CPEB1: variants seen among roughly 807,000 people sequenced by gnomAD.
CPEB1 encodes the protein cytoplasmic polyadenylation element binding protein 1, also known as cytoplasmic polyadenylation element-binding protein 1.
In CPEB1, 7 loss-of-function variants were observed where a neutral mutation model predicts 65.8. The ratio of observed to expected loss-of-function variants is 0.11; its 90% CI spans 0.06 to 0.20. CPEB1 has a LOEUF of 0.20. Ranked by LOEUF, CPEB1 falls within the 10% of genes least tolerant of loss-of-function variation. The pLI, the probability that CPEB1 is intolerant of heterozygous loss-of-function variation, is 1.00. For synonymous variants in CPEB1, 262 were observed against 260.0 expected, an observed-to-expected ratio of 1.01 and a Z score of -0.08; for missense variants, 551 against 712.2, an observed-to-expected ratio of 0.77 and a Z score of 2.58.
At chr15:82,579,385 C>T (rs1016743981) in intron 3 of CPEB1, among the ~76,000 whole-genome samples, 9 of 152,050 alleles carry the variant, frequency 5.9e-5, no homozygotes, top group African/African-American at 1.9e-4. Context: ...ACCATGATTG[C>T]GCCACTGCAC....
At chr15:82,606,837 T>G (rs1227704536) in intron 3 of CPEB1, among the ~76,000 whole-genome samples, 1 of 123,992 alleles carries the variant, frequency 8.1e-6, no homozygotes, top group African/African-American at 3.2e-5. Context: ...AAAAAAAAAA[T>G]ACATAGTAAA....
At chr15:82,647,984 G>T (rs1431998742), upstream of CPEB1, 1 of 841,764 alleles carries the variant, frequency 1.2e-6, no homozygotes, top group South Asian at 5.9e-5. Context: ...CCCGCACCCC[G>T]GCAGCTTATG....
intron 3 of CPEB1, among the ~76,000 whole-genome samples, chr15:82,619,665 G>A (rs139221576): frequency 1.8e-4 from 27 of 152,078 alleles, no homozygotes; most frequent in Non-Finnish European, 3.1e-4. Flanking sequence ...ATATCCAAAG[G>A]CCAGTAAACA....
chr15:82,582,988 G>A (rs540477358), intron 3 of CPEB1, among the ~76,000 whole-genome samples: 5 of 151,978 alleles, frequency 3.3e-5, no homozygotes, highest in African/African-American at 7.2e-5. Flanking sequence ...TGATCCGCCC[G>A]CCTCAGCCTC....
intron 3 of CPEB1, among the ~76,000 whole-genome samples, chr15:82,594,337 T>G (rs2042506110): frequency 6.6e-6 from 1 of 150,400 alleles, no homozygotes; most frequent in Non-Finnish European, 1.5e-5. Flanking sequence ...GGAGACAGCT[T>G]CTTCCCTTAA....
chr15:82,545,555 C>A (rs1264570996), intron 12 of CPEB1, among the ~76,000 whole-genome samples: 1 of 152,082 alleles, frequency 6.6e-6, no homozygotes, highest in Non-Finnish European at 1.5e-5. Flanking sequence ...TCTCAGGGTC[C>A]GCCCCAAACC....
chr15:82,620,572 G>A (rs2045216329), intron 3 of CPEB1, among the ~76,000 whole-genome samples: 1 of 152,058 alleles, frequency 6.6e-6, no homozygotes, highest in African/African-American at 2.4e-5. Context: ...CCAAGGCAAG[G>A]AATTTGCTTA....
chr15:82,634,969 T>C (rs1180491466), intron 1 of CPEB1, among the ~76,000 whole-genome samples: 1 of 152,208 alleles, frequency 6.6e-6, no homozygotes, highest in Non-Finnish European at 1.5e-5. Context: ...TTCTGGTGCC[T>C]ATGCCTCCTG....
At chr15:82,635,476 C>G (rs955974006) in intron 1 of CPEB1, among the ~76,000 whole-genome samples, 2 of 152,140 alleles carry the variant, frequency 1.3e-5, no homozygotes, top group African/African-American at 4.8e-5. Context: ...CTCCTTGGTC[C>G]TACCTCAAGT....
At chr15:82,626,645 C>T (rs563992099) in intron 3 of CPEB1, among the ~76,000 whole-genome samples, 90 of 152,190 alleles carry the variant, frequency 5.9e-4, no homozygotes, top group African/African-American at 2.0e-3. Context: ...AAACTAAATG[C>T]GTGCTGACTC....
chr15:82,630,613 A>AC (rs935601495), intron 1 of CPEB1, among the ~76,000 whole-genome samples: 2 of 151,710 alleles, frequency 1.3e-5, no homozygotes, highest in Non-Finnish European at 2.9e-5. Context: ...CTCAAAAAAA[A>AC]AAAGAAAGAA....
At chr15:82,544,788 G>A in intron 12 of CPEB1, 86 bp from the exon 13 acceptor site, 2 of 1,011,646 alleles carry the variant, frequency 2.0e-6, no homozygotes, top group Non-Finnish European at 3.1e-6. Flanking sequence ...TGTTCTGTTT[G>A]GAGAAGGGTG....
chr15:82,632,264 G>A (rs2046321971), intron 1 of CPEB1, among the ~76,000 whole-genome samples: 1 of 152,012 alleles, frequency 6.6e-6, no homozygotes, highest in Admixed American at 6.6e-5. Context: ...TTACAGGCGT[G>A]AGCCACTGCG....
At chr15:82,632,056 A>G (rs1437518501) in intron 1 of CPEB1, among the ~76,000 whole-genome samples, 1 of 134,030 alleles carries the variant, frequency 7.5e-6, no homozygotes, top group Non-Finnish European at 1.5e-5. Context: ...ATCTCGGCTC[A>G]CTGCAAGCTC....
chr15:82,615,390 TAA>T (rs1290299544), intron 3 of CPEB1, among the ~76,000 whole-genome samples: 2 of 152,178 alleles, frequency 1.3e-5, no homozygotes, highest in Non-Finnish European at 2.9e-5. Flanking sequence ...CAACTTTGAA[TAA>T]AATAATTTTT....
intron 3 of CPEB1, among the ~76,000 whole-genome samples, chr15:82,607,136 AAAAC>A (rs960807737): frequency 6.0e-5 from 9 of 149,170 alleles, no homozygotes; most frequent in Non-Finnish European, 1.3e-4. Flanking sequence ...AGACATATGG[AAAAC>A]AAACAGAAAA....
chr15:82,628,285 A>T, intron 2 of CPEB1, 79 bp downstream of exon 2: 1 of 702,602 alleles, frequency 1.4e-6, no homozygotes, highest in Non-Finnish European at 2.6e-6. Context: ...CATGAAAGAA[A>T]CTGTAGATAT....
chr15:82,629,885 A>G (rs2046093480), intron 1 of CPEB1: 4 of 985,258 alleles, frequency 4.1e-6, no homozygotes, highest in African/African-American at 1.7e-5. Flanking sequence ...GACAAACTTG[A>G]GCCTCACGTC....
chr15:82,601,846 A>C (rs568733476), intron 3 of CPEB1, among the ~76,000 whole-genome samples: 1 of 152,380 alleles, frequency 6.6e-6, no homozygotes, highest in African/African-American at 2.4e-5. Flanking sequence ...ATAAAAGCAT[A>C]CAAAAATCAA....
Sources: gnomAD v4.1 joint callset for allele counts (sites outside exome capture counted in the v4.1 genomes callset) on GRCh38, gnomAD v4.1.1 for gene constraint, MANE v1.5 for transcripts, NCBI Gene and HGNC (gene_info 2026-07-23, HGNC 2026-07-21) for gene names.